Variants in NUTF2 observed in about 807,000 individuals in gnomAD.
NUTF2 encodes placental protein 15.
NUTF2 carries 3 observed loss-of-function variants against 18.5 expected under a neutral mutation model. The observed-to-expected ratio is 0.16, with a 90% CI of 0.07 to 0.42. The LOEUF is 0.42. Ranked by LOEUF, NUTF2 falls within the 10% of genes least tolerant of loss-of-function variation. NUTF2 has a pLI of 0.99. For missense variants in NUTF2, 44 were observed against 160.7 expected, an observed-to-expected ratio of 0.27 and a Z score of 3.93; for synonymous variants, 51 against 57.9, an observed-to-expected ratio of 0.88 and a Z score of 0.54.
intron 1 of NUTF2, among the ~76,000 whole-genome samples, chr16:67,863,833 C>G (rs1361798073): frequency 6.6e-6 from 1 of 152,230 alleles, no homozygotes; most frequent in Non-Finnish European, 1.5e-5. Flanking sequence ...GGCTTCCCTA[C>G]TTGGAAGCAG....
At chr16:67,870,021 G>C (rs1468273743) in intron 4 of NUTF2, 1 of 152,230 alleles carries the variant, frequency 6.6e-6, no homozygotes, top group Non-Finnish European at 1.5e-5. Context: ...GGACTTTCCT[G>C]TCAGTTTCTC....
chr16:67,847,977 G>A lies in NUTF2; in HGVS notation c.-30+992G>A, dbSNP rs142553323. ...CCCGAAGCCTGGGTGGCAGAACTAG[G>A]GCTGGAAGCTCCAGAAAGTCTGGCT... is the stretch of plus-strand genomic sequence containing the variant. On this transcript the variant is annotated intron_variant, in intron 1 of 4. Transcript: ENST00000219169. Among the ~76,000 whole-genome samples, 555 of 152,220 alleles carry A rather than the reference G, an allele frequency of 3.6e-3. 6 individuals are homozygous for A. The highest frequency in any genetic ancestry group is 0.012 in the African/African-American group (511 of 41,520).
At chr16:67,868,125 TTAAA>T (rs555404144) in intron 2 of NUTF2, among the ~76,000 whole-genome samples, 166 of 152,268 alleles carry the variant, frequency 1.1e-3, no homozygotes, top group African/African-American at 3.7e-3. Flanking sequence ...GTATATTTTA[TTAAA>T]TAGTCTTTCA....
At chr16:67,853,686 G>A (rs1233982233) in intron 1 of NUTF2, among the ~76,000 whole-genome samples, 1 of 151,864 alleles carries the variant, frequency 6.6e-6, no homozygotes, top group Non-Finnish European at 1.5e-5. Flanking sequence ...CTATTTTTTA[G>A]TTTTTGTGGA....
chr16:67,868,459 T>C (rs768272912), intron 3 of NUTF2, 42 bp from the exon 4 acceptor site: 1 of 1,613,440 alleles, frequency 6.2e-7, no homozygotes, highest in Non-Finnish European at 8.5e-7. Flanking sequence ...TTCCCACCCC[T>C]TCTGGCCTTG....
At chr16:67,857,227 C>G (rs1041432910) in intron 1 of NUTF2, among the ~76,000 whole-genome samples, 2 of 152,158 alleles carry the variant, frequency 1.3e-5, no homozygotes, top group East Asian at 3.9e-4. Context: ...GAGGTCTTCT[C>G]AGTCACTGGG....
intron 2 of NUTF2, 22 bp downstream of exon 2, chr16:67,865,251 C>T: frequency 6.5e-7 from 1 of 1,531,664 alleles, no homozygotes; most frequent in South Asian, 1.1e-5. Context: ...GCTCTAGGGC[C>T]AGAATGGACC....
At chr16:67,852,163 T>TA (rs999581856) in intron 1 of NUTF2, among the ~76,000 whole-genome samples, 13 of 151,460 alleles carry the variant, frequency 8.6e-5, no homozygotes, top group African/African-American at 3.2e-4. Flanking sequence ...AAAAGAAAAA[T>TA]AAAAAAATAG....
intron 1 of NUTF2, among the ~76,000 whole-genome samples, chr16:67,850,205 C>CTTTTTTTTTTTTTT (rs768001106): frequency 6.7e-6 from 1 of 149,732 alleles, no homozygotes; most frequent in African/African-American, 2.5e-5. Flanking sequence ...TTCCCTGTAA[C>CTTTTTTTTTTTTTT]TTCTTTTTTT....
rs113308364 is a variant in NUTF2 at position 67,859,685 on chromosome 16, G to A, written c.-29-5417G>A. On this transcript the variant is annotated intron_variant, in intron 1 of 4. Coordinates refer to ENST00000219169, the MANE Select transcript of NUTF2 (RefSeq NM_005796.3). ...ATTTTTGTATTTTTAGTAGAGATGG[G>A]GTTTCACCATGTTGTGCCCAGGCTG... 5.0e-3 allele frequency among the ~76,000 whole-genome samples: 763 copies of A among 151,934 alleles called. 8 individuals carry two copies. Among genetic ancestry groups the A allele is most frequent in the African/African-American group, 0.017 (724 of 41,428 alleles).
chr16:67,853,841 C>T (rs940906001), intron 1 of NUTF2, among the ~76,000 whole-genome samples: 20 of 151,554 alleles, frequency 1.3e-4, no homozygotes, highest in Non-Finnish European at 2.2e-4. Flanking sequence ...GAGACGGGAT[C>T]TCACTGTGTT....
At chr16:67,867,304 A>T (rs1488363029) in intron 2 of NUTF2, among the ~76,000 whole-genome samples, 1 of 152,230 alleles carries the variant, frequency 6.6e-6, no homozygotes, top group East Asian at 1.9e-4. Context: ...TGAGCCAGAG[A>T]AGAGAGTTAG....
chr16:67,848,508 G>A (rs981387035), intron 1 of NUTF2, among the ~76,000 whole-genome samples: 1 of 152,172 alleles, frequency 6.6e-6, no homozygotes, highest in Non-Finnish European at 1.5e-5. Flanking sequence ...GCTTGAACCC[G>A]GGAGGTGGAG....
intron 1 of NUTF2, among the ~76,000 whole-genome samples, chr16:67,859,027 G>A (rs1401203185): frequency 2.0e-5 from 3 of 151,528 alleles, no homozygotes; most frequent in Non-Finnish European, 4.4e-5. Flanking sequence ...TAGACATGAG[G>A]TCTCACTATG....
intron 1 of NUTF2, among the ~76,000 whole-genome samples, chr16:67,848,891 C>T (rs531338769): frequency 6.6e-6 from 1 of 152,006 alleles, no homozygotes; most frequent in Non-Finnish European, 1.5e-5. Flanking sequence ...TTTTTTTCTT[C>T]CTCCTTGAAT....
chr16:67,847,523 C>T (rs921981716), intron 1 of NUTF2: 2 of 152,370 alleles, frequency 1.3e-5, no homozygotes, highest in African/African-American at 4.8e-5. Flanking sequence ...ATAGCCCGGC[C>T]GGGGTGTAGG....
chr16:67,848,739 C>T (rs1248238500), intron 1 of NUTF2, among the ~76,000 whole-genome samples: 1 of 148,616 alleles, frequency 6.7e-6, no homozygotes, highest in Non-Finnish European at 1.5e-5. Context: ...AAGACTCTGT[C>T]TCAAAAAAAA....
At chr16:67,863,914 C>T (rs563856422) in intron 1 of NUTF2, among the ~76,000 whole-genome samples, 7 of 152,316 alleles carry the variant, frequency 4.6e-5, no homozygotes, top group African/African-American at 1.7e-4. Flanking sequence ...CAGCCATGGT[C>T]TCTAGTTGGG....
chr16:67,857,110 G>A (rs1291133520), intron 1 of NUTF2, among the ~76,000 whole-genome samples: 2 of 152,198 alleles, frequency 1.3e-5, no homozygotes, highest in East Asian at 3.9e-4. Flanking sequence ...TCACTTAGGG[G>A]TCTCAAGCCC....
Sources: allele counts gnomAD v4.1 joint callset (sites outside exome capture counted in the v4.1 genomes callset), GRCh38; gene constraint gnomAD v4.1.1; transcripts MANE v1.5; gene names NCBI Gene and HGNC (gene_info 2026-07-23, HGNC 2026-07-21).